The following L3MBTL4 variants were observed in gnomAD, a reference collection of about 807,000 sequenced individuals.
The protein encoded by L3MBTL4 is lethal(3)malignant brain tumor-like protein 4.
Under a neutral mutation model 84.5 loss-of-function variants are expected in L3MBTL4, and 70 were observed. The ratio of observed to expected loss-of-function variants is 0.83; its 90% CI spans 0.68 to 1.01. The LOEUF is 1.01. L3MBTL4 is among the 50% of genes least tolerant of loss of function. The probability of loss-of-function intolerance (pLI) is 0.00; values close to 1 mark genes in which losing one functional copy is unlikely to be tolerated. For missense variants in L3MBTL4, 715 were observed against 754.8 expected, an observed-to-expected ratio of 0.95 and a Z score of 0.62; for synonymous variants, 274 against 259.8, an observed-to-expected ratio of 1.05 and a Z score of -0.52.
chr18:6,399,400 G>T (rs1370141708), intron 1 of L3MBTL4, among the ~76,000 whole-genome samples: 4 of 151,614 alleles, frequency 2.6e-5, no homozygotes, highest in Admixed American at 2.6e-4. Flanking sequence ...CTGAACCACT[G>T]CACTCCAGCA....
At chr18:6,343,004 A>T (rs1021051225) in intron 1 of L3MBTL4, among the ~76,000 whole-genome samples, 1 of 152,244 alleles carries the variant, frequency 6.6e-6, no homozygotes, top group Non-Finnish European at 1.5e-5. Flanking sequence ...ATGTTGTTAC[A>T]TATTGATAAA....
chr18:6,175,923 AT>A (rs2044207287), intron 12 of L3MBTL4, among the ~76,000 whole-genome samples: 1 of 152,140 alleles, frequency 6.6e-6, no homozygotes, highest in Non-Finnish European at 1.5e-5. Context: ...CAACAAAAAA[AT>A]TTAAAAAATA....
intron 1 of L3MBTL4, among the ~76,000 whole-genome samples, chr18:6,318,322 T>A (rs1004352745): frequency 6.6e-6 from 1 of 151,574 alleles, no homozygotes; most frequent in Non-Finnish European, 1.5e-5. Context: ...GCAGAATGGA[T>A]AGAAAAATCA....
At chr18:6,341,683 GC>G (rs2052616108) in intron 1 of L3MBTL4, among the ~76,000 whole-genome samples, 1 of 152,082 alleles carries the variant, frequency 6.6e-6, no homozygotes, top group African/African-American at 2.4e-5. Context: ...AGTCCTAGAA[GC>G]AGCAGAGAAA....
At chr18:6,386,499 A>G (rs1047586570) in intron 1 of L3MBTL4, among the ~76,000 whole-genome samples, 4 of 152,268 alleles carry the variant, frequency 2.6e-5, no homozygotes, top group Non-Finnish European at 4.4e-5. Context: ...GCAAAGTTCC[A>G]GTCTTCACAG....
chr18:5,963,699 C>T (rs1325146572), intron 17 of L3MBTL4, among the ~76,000 whole-genome samples: 1 of 152,262 alleles, frequency 6.6e-6, no homozygotes, highest in African/African-American at 2.4e-5. Flanking sequence ...TCGGTAATTA[C>T]TTCCCCTACA....
chr18:6,369,398 A>G (rs1310809189), intron 1 of L3MBTL4, among the ~76,000 whole-genome samples: 1 of 152,182 alleles, frequency 6.6e-6, no homozygotes, highest in Non-Finnish European at 1.5e-5. Flanking sequence ...CAATGCTGTT[A>G]AACATCCCAC....
intron 16 of L3MBTL4, among the ~76,000 whole-genome samples, chr18:5,994,404 C>T (rs549789921): frequency 2.0e-4 from 31 of 152,312 alleles, no homozygotes; most frequent in African/African-American, 7.5e-4. Flanking sequence ...AAATATTTCC[C>T]TTACTTACCT....
In L3MBTL4 at chr18:6,239,813, C is replaced by G; in HGVS notation, c.612G>C (p.Lys204Asn). 6.2e-7 allele frequency: 1 copy of G among 1,614,236 alleles called. No homozygotes were observed. Among genetic ancestry groups the G allele is most frequent in the Non-Finnish European group, 8.5e-7 (1 of 1,180,036 alleles). The change falls in exon 9 of 19, where the codon AAG (lysine) becomes AAC (asparagine). Residue 204 changes from lysine (K) to asparagine (N), a missense_variant. By Grantham distance (94) the Lys-to-Asn change is moderately conservative. Transcript: ENST00000317931. ...TCGCCACACACACCAAGGAAGGGTT[C>G]TTCCTGTCCACGGCCTCCAGCTTCA... ...VGMKLEAVDR[K>N]NPSLVCVATI...
intron 14 of L3MBTL4, among the ~76,000 whole-genome samples, chr18:6,094,359 T>C (rs925102251): frequency 6.6e-6 from 1 of 152,118 alleles, no homozygotes; most frequent in African/African-American, 2.4e-5. Flanking sequence ...CTGGGGAAGG[T>C]ACTTCCTGCC....
At chr18:6,220,699 A>G (rs1227518535) in intron 10 of L3MBTL4, among the ~76,000 whole-genome samples, 1 of 152,216 alleles carries the variant, frequency 6.6e-6, no homozygotes, top group Non-Finnish European at 1.5e-5. Context: ...CTCACAACAT[A>G]CAGCTGGTAT....
chr18:6,393,989 C>T (rs1228960983), intron 1 of L3MBTL4, among the ~76,000 whole-genome samples: 2 of 152,080 alleles, frequency 1.3e-5, no homozygotes, highest in East Asian at 1.9e-4. Context: ...ACCAAGCCCA[C>T]ACCCGCTGGC....
intron 16 of L3MBTL4, among the ~76,000 whole-genome samples, chr18:5,992,898 C>G (rs1251134696): frequency 1.3e-5 from 2 of 152,202 alleles, no homozygotes; most frequent in African/African-American, 4.8e-5. Context: ...ATTACTCAGT[C>G]TCTGGTATTT....
intron 16 of L3MBTL4, among the ~76,000 whole-genome samples, chr18:6,062,929 A>T (rs1373710432): frequency 6.6e-6 from 1 of 151,702 alleles, no homozygotes; most frequent in Non-Finnish European, 1.5e-5. Context: ...TGCACCCGTC[A>T]TCTAAGCAGT....
chr18:6,044,143 A>G (rs750230728), intron 16 of L3MBTL4, among the ~76,000 whole-genome samples: 1 of 152,192 alleles, frequency 6.6e-6, no homozygotes, highest in Non-Finnish European at 1.5e-5. Flanking sequence ...AGGGATAGCT[A>G]CTTTTGTTTT....
intron 16 of L3MBTL4, among the ~76,000 whole-genome samples, chr18:6,042,027 G>A (rs550758476): frequency 3.9e-5 from 6 of 152,058 alleles, no homozygotes; most frequent in Non-Finnish European, 8.8e-5. Flanking sequence ...GGCCATCTGT[G>A]AACCATTTCG....
chr18:5,980,144 G>GTT (rs2053142036), intron 16 of L3MBTL4, among the ~76,000 whole-genome samples: 2 of 152,090 alleles, frequency 1.3e-5, no homozygotes, highest in Non-Finnish European at 2.9e-5. Context: ...GACAGACATA[G>GTT]AAAAGTCAGT....
chr18:6,347,620 T>C (rs907645996), intron 1 of L3MBTL4, among the ~76,000 whole-genome samples: 1 of 148,326 alleles, frequency 6.7e-6, no homozygotes, highest in Non-Finnish European at 1.5e-5. Context: ...AATTCATAAC[T>C]TTTTAAAAAA....
chr18:6,059,676 C>T (rs1210405291), intron 16 of L3MBTL4, among the ~76,000 whole-genome samples: 1 of 152,178 alleles, frequency 6.6e-6, no homozygotes, highest in Non-Finnish European at 1.5e-5. Context: ...CCCCTCCACT[C>T]AGTTCCAAGA....
Sources: allele counts gnomAD v4.1 joint callset (sites outside exome capture counted in the v4.1 genomes callset), GRCh38; gene constraint gnomAD v4.1.1; transcripts MANE v1.5; gene names NCBI Gene and HGNC (gene_info 2026-07-23, HGNC 2026-07-21).